RUNDC3B: variants seen among roughly 807,000 people sequenced by gnomAD.
The protein encoded by RUNDC3B is RUN domain containing 3B.
A neutral mutation model predicts 58.4 loss-of-function variants in RUNDC3B; 33 were observed. That is an observed-to-expected ratio of 0.56 (90% CI 0.43 to 0.75). The LOEUF (loss-of-function observed/expected upper bound fraction) is 0.75, where lower values mean the gene tolerates loss of function less well. Ranked by LOEUF, RUNDC3B falls within the 30% of genes least tolerant of loss-of-function variation. RUNDC3B has a pLI of 0.00. For synonymous variants in RUNDC3B, 193 were observed against 195.2 expected (o/e 0.99, Z 0.10); for missense variants, 501 against 535.7 (o/e 0.94, Z 0.64).
rs1242660721 is a variant in RUNDC3B at position 87,700,583 on chromosome 7, A to T, written c.372+29A>T. 1.5e-5 allele frequency: 22 copies of T among 1,453,070 alleles called. 1 individual carries two copies. In the Middle Eastern group the frequency reaches 5.5e-4, roughly 36 times the overall value. 90.0% of individuals were successfully genotyped at this position (1,453,070 alleles called of 1,614,324 possible). A position where few individuals can be genotyped will look rare whatever the true frequency, so the allele number is the denominator to read the frequency against. Reference sequence around the variant, plus strand: ...AGACATTGGTCAGAGACTCGTTTCTATTTTTTTTTTCATTGCATGTATTTG... The same window carrying T: ...AGACATTGGTCAGAGACTCGTTTCTTTTTTTTTTTTCATTGCATGTATTTG... On this transcript the variant is annotated intron_variant, in intron 3 of 10. Transcript: ENST00000394654.
intron 6 of RUNDC3B, among the ~76,000 whole-genome samples, chr7:87,760,242 G>A (rs1833604028): frequency 6.6e-6 from 1 of 151,972 alleles, no homozygotes; most frequent in Non-Finnish European, 1.5e-5. Context: ...TATAACTAGT[G>A]TGACTGAGGA....
At chr7:87,818,117 A>G (rs1184676720) in intron 10 of RUNDC3B, among the ~76,000 whole-genome samples, 1 of 152,180 alleles carries the variant, frequency 6.6e-6, no homozygotes, top group Non-Finnish European at 1.5e-5. Flanking sequence ...TTTAAAAGCT[A>G]ATTCATACTA....
Position 87,628,810 on chromosome 7 carries a change from G to C in RUNDC3B, c.-14G>C. 8.1e-7 allele frequency: 1 copy of C among 1,234,210 alleles called. No individual in the cohort carries two copies. Among genetic ancestry groups the C allele is most frequent in the South Asian group, 4.1e-5 (1 of 24,312 alleles). The allele number at this position is 1,234,210 out of a possible 1,614,324, so 76.5% of individuals were successfully genotyped here. ...GGTGGCACGAGACAAAAGGGGCACGGGGGTAAGCCCGCCATGGCCTCCCGG... is the reference window on the plus strand; with the variant it reads ...GGTGGCACGAGACAAAAGGGGCACGCGGGTAAGCCCGCCATGGCCTCCCGG... On this transcript the variant is annotated 5_prime_UTR_variant, in exon 1 of 11. Transcript: ENST00000394654.
chr7:87,759,058 A>G (rs1232704855), intron 6 of RUNDC3B, among the ~76,000 whole-genome samples: 1 of 152,212 alleles, frequency 6.6e-6, no homozygotes, highest in Non-Finnish European at 1.5e-5. Context: ...TACTATTCAC[A>G]ATAGCTAAGA....
At chr7:87,713,024 A>T (rs1007105773) in intron 4 of RUNDC3B, 3 of 151,976 alleles carry the variant, frequency 2.0e-5, no homozygotes, top group Admixed American at 6.6e-5. Flanking sequence ...ATTTACACTA[A>T]TTTTTTTTAC....
chr7:87,756,497 G>T (rs1315031249), intron 6 of RUNDC3B, among the ~76,000 whole-genome samples: 1 of 151,818 alleles, frequency 6.6e-6, no homozygotes, highest in East Asian at 1.9e-4. Context: ...ATGATAAAAG[G>T]TACCTAAATT....
At chr7:87,640,821 T>C (rs1397875334) in intron 1 of RUNDC3B, among the ~76,000 whole-genome samples, 1 of 152,198 alleles carries the variant, frequency 6.6e-6, no homozygotes, top group African/African-American at 2.4e-5. Context: ...TTCTACTGTT[T>C]AATCCATTGA....
At chr7:87,808,605 C>G (rs551975297) in intron 9 of RUNDC3B, among the ~76,000 whole-genome samples, 1 of 151,970 alleles carries the variant, frequency 6.6e-6, no homozygotes, top group African/African-American at 2.4e-5. Flanking sequence ...ACATTATTTG[C>G]AGAATAAATC....
At chr7:87,706,157 C>T (rs529683343) in intron 3 of RUNDC3B, among the ~76,000 whole-genome samples, 128 of 152,280 alleles carry the variant, frequency 8.4e-4, no homozygotes, top group African/African-American at 3.0e-3. Flanking sequence ...TCCACATATC[C>T]ATGCATCTTT....
At chr7:87,786,277 G>A (rs911759197) in intron 8 of RUNDC3B, among the ~76,000 whole-genome samples, 3 of 152,024 alleles carry the variant, frequency 2.0e-5, no homozygotes. Context: ...GAGATACTTT[G>A]AGACTAAGTA....
chr7:87,754,783 A>T (rs1833262201), intron 6 of RUNDC3B, among the ~76,000 whole-genome samples: 1 of 152,084 alleles, frequency 6.6e-6, no homozygotes, highest in Non-Finnish European at 1.5e-5. Context: ...AACAAAAATA[A>T]CTATGAATAC....
rs1823259533 is a variant in RUNDC3B, at chr7:87,648,561, T to G, written c.123-2261T>G. 2.0e-5 allele frequency among the ~76,000 whole-genome samples: 3 copies of G among 152,112 alleles called. No individual in the cohort carries two copies. The East Asian group carries it at 5.8e-4, about 29-fold the overall frequency. On this transcript the variant is annotated intron_variant, in intron 1 of 10. Coordinates refer to ENST00000394654, the MANE Select transcript of RUNDC3B (RefSeq NM_001134405.2). ...AAAAAAAAGAGGCTTACACTATATC[T>G]TAAGTTGTATAAATGAGAAGAATGA...
At chr7:87,695,331 A>G (rs1267264100) in intron 2 of RUNDC3B, among the ~76,000 whole-genome samples, 1 of 152,092 alleles carries the variant, frequency 6.6e-6, no homozygotes, top group Non-Finnish European at 1.5e-5. Flanking sequence ...AGAAATGGAA[A>G]TTTTCTCTGT....
At chr7:87,751,713 T>G (rs1394591502) in intron 6 of RUNDC3B, among the ~76,000 whole-genome samples, 2 of 152,144 alleles carry the variant, frequency 1.3e-5, no homozygotes, top group African/African-American at 2.4e-5. Context: ...CTTGTGATTT[T>G]TGTACATTGA....
rs76127752 is a variant in RUNDC3B, at chr7:87,641,856, T to G, written c.123-8966T>G. ...AAACAATATCCTCCAAAGATTCATA[T>G]TTAACATTAGATTTTGTGATTTTTA... On this transcript the variant is annotated intron_variant, in intron 1 of 10. Coordinates refer to ENST00000394654, the MANE Select transcript of RUNDC3B (RefSeq NM_001134405.2). 3.6e-3 allele frequency among the ~76,000 whole-genome samples: 550 copies of G among 152,326 alleles called. 5 individuals carry two copies. Among genetic ancestry groups the G allele is most frequent in the Admixed American group, 5.1e-3 (78 of 15,300 alleles).
chr7:87,810,236 G>A (rs965700099), intron 9 of RUNDC3B, among the ~76,000 whole-genome samples: 5 of 152,158 alleles, frequency 3.3e-5, no homozygotes, highest in South Asian at 2.1e-4. Flanking sequence ...ATCAGGCAAC[G>A]TTCAGAACCA....
chr7:87,797,377 T>C (rs1443718741), intron 8 of RUNDC3B, among the ~76,000 whole-genome samples: 1 of 152,148 alleles, frequency 6.6e-6, no homozygotes, highest in Non-Finnish European at 1.5e-5. Flanking sequence ...AAGTTTAAAT[T>C]TTTTTAGCAG....
At chr7:87,645,743 T>G (rs757918817) in intron 1 of RUNDC3B, among the ~76,000 whole-genome samples, 1 of 152,176 alleles carries the variant, frequency 6.6e-6, no homozygotes, top group Non-Finnish European at 1.5e-5. Context: ...TTAGTTACTG[T>G]GTTATGAAGG....
intron 2 of RUNDC3B, among the ~76,000 whole-genome samples, chr7:87,663,176 T>G (rs2130464034): frequency 6.6e-6 from 1 of 152,278 alleles, no homozygotes; most frequent in East Asian, 1.9e-4. Flanking sequence ...TAAGATCATA[T>G]CATCTGAAAA....
Sources: allele counts gnomAD v4.1 joint callset (sites outside exome capture counted in the v4.1 genomes callset), GRCh38; gene constraint gnomAD v4.1.1; transcripts MANE v1.5; gene names NCBI Gene and HGNC (gene_info 2026-07-23, HGNC 2026-07-21).